The following ROBO2 variants were observed in gnomAD, a reference collection of about 807,000 sequenced individuals.
ROBO2 encodes roundabout homolog 2.
Under a neutral mutation model 160.8 loss-of-function variants are expected in ROBO2, and 53 were observed. That is an observed-to-expected ratio of 0.33 (90% CI 0.26 to 0.41). The LOEUF (loss-of-function observed/expected upper bound fraction) is 0.41. Ranked by LOEUF, ROBO2 falls within the 10% of genes least tolerant of loss-of-function variation. ROBO2 has a pLI of 1.00. For synonymous variants in ROBO2, 664 were observed against 611.7 expected, an observed-to-expected ratio of 1.09 and a Z score of -1.26; for missense variants, 1,577 against 1,722.4, an observed-to-expected ratio of 0.92 and a Z score of 1.49.
intron 2 of ROBO2, among the ~76,000 whole-genome samples, chr3:77,203,427 T>C (rs2083107501): frequency 6.6e-6 from 1 of 152,210 alleles, no homozygotes; most frequent in Non-Finnish European, 1.5e-5. Context: ...CTGCTTACTG[T>C]GTAAAAATAA....
chr3:76,352,673 T>C lies in ROBO2; in HGVS notation c.109+415071T>C, dbSNP rs569205894. On this transcript the variant is annotated intron_variant, in intron 2 of 26. Coordinates refer to the ROBO2 transcript ENST00000487694. ...TACTCTTGTGTTCATGAATGATTGA[T>C]GAAGCGGCCTTTATGTGCAGTCTCC... 1.1e-4 allele frequency among the ~76,000 whole-genome samples: 16 copies of C among 152,060 alleles called. No individual in the cohort carries two copies. In the Middle Eastern group the frequency reaches 0.014, roughly 129 times the overall value.
intron 2 of ROBO2, among the ~76,000 whole-genome samples, chr3:77,447,660 T>C (rs1387773186): frequency 6.6e-6 from 1 of 152,144 alleles, no homozygotes; most frequent in African/African-American, 2.4e-5. Flanking sequence ...GCATCAGCGA[T>C]AGTATCCTTT....
chr3:76,622,191 AAAGGAAGG>A (rs1163132103), intron 2 of ROBO2, among the ~76,000 whole-genome samples: 1,577 of 65,676 alleles, frequency 0.024, 66 homozygotes, highest in South Asian at 0.034. Context: ...TAAAAAAAAG[AAAGGAAGG>A]AAGGAAGGAA....
intron 2 of ROBO2, among the ~76,000 whole-genome samples, chr3:77,282,472 T>C (rs931955208): frequency 6.6e-6 from 1 of 151,966 alleles, no homozygotes; most frequent in African/African-American, 2.4e-5. Context: ...GTCTTCAATA[T>C]CTAACATGCT....
At chr3:76,073,805 T>C (rs996212443) in intron 2 of ROBO2, among the ~76,000 whole-genome samples, 2 of 152,096 alleles carry the variant, frequency 1.3e-5, no homozygotes, top group South Asian at 2.1e-4. Context: ...AAATAAGTTA[T>C]ACAGGTTCAA....
At chr3:77,402,430 T>C (rs115940333) in intron 2 of ROBO2, among the ~76,000 whole-genome samples, 5,337 of 151,952 alleles carry the variant, frequency 0.035, 163 homozygotes, top group Non-Finnish European at 0.054. Context: ...ACTTAAAGTA[T>C]AATAAAAAAA....
intron 2 of ROBO2, among the ~76,000 whole-genome samples, chr3:76,490,170 G>T (rs182834302): frequency 1.2e-3 from 189 of 152,196 alleles, no homozygotes; most frequent in Non-Finnish European, 1.9e-3. Flanking sequence ...TATGACGAAA[G>T]AAATTTTTTA....
intron 2 of ROBO2, among the ~76,000 whole-genome samples, chr3:76,116,255 G>C (rs1362398658): frequency 1.3e-5 from 2 of 152,086 alleles, no homozygotes; most frequent in Non-Finnish European, 2.9e-5. Flanking sequence ...TACCACAAAA[G>C]TGTCAGGTGC....
intron 2 of ROBO2, among the ~76,000 whole-genome samples, chr3:76,703,922 G>T (rs535699528): frequency 2.8e-4 from 43 of 151,956 alleles, no homozygotes; most frequent in Middle Eastern, 3.4e-3. Context: ...GACTAGAAAT[G>T]TTGAGAATTA....
chr3:76,835,147 G>A (rs2067570715), intron 2 of ROBO2, among the ~76,000 whole-genome samples: 1 of 151,734 alleles, frequency 6.6e-6, no homozygotes, highest in Non-Finnish European at 1.5e-5. Context: ...CTAGTAAACT[G>A]TTCATATAAT....
At chr3:76,187,973 A>G (rs981370739) in intron 2 of ROBO2, among the ~76,000 whole-genome samples, 2 of 152,126 alleles carry the variant, frequency 1.3e-5, no homozygotes, top group Non-Finnish European at 2.9e-5. Flanking sequence ...ATAATTTCTA[A>G]ACTCACTTAG....
intron 2 of ROBO2, among the ~76,000 whole-genome samples, chr3:77,132,289 T>C (rs2075918203): frequency 1.3e-5 from 2 of 152,122 alleles, no homozygotes; most frequent in African/African-American, 4.8e-5. Flanking sequence ...ACAGAGTACT[T>C]GGATGTGTTT....
At chr3:75,979,612 A>G (rs1387882146) in intron 2 of ROBO2, among the ~76,000 whole-genome samples, 4 of 151,564 alleles carry the variant, frequency 2.6e-5, no homozygotes, top group African/African-American at 4.8e-5. Flanking sequence ...TAACATGCAT[A>G]AAAATGCCTT....
At chr3:77,245,922 G>A (rs2089670728) in intron 2 of ROBO2, among the ~76,000 whole-genome samples, 1 of 152,104 alleles carries the variant, frequency 6.6e-6, no homozygotes, top group African/African-American at 2.4e-5. Flanking sequence ...AATAAACCAT[G>A]TACCATGTAA....
At chr3:76,565,104 T>A (rs928193731) in intron 2 of ROBO2, among the ~76,000 whole-genome samples, 1 of 152,106 alleles carries the variant, frequency 6.6e-6, no homozygotes, top group South Asian at 2.1e-4. Flanking sequence ...GCTAAAGTGA[T>A]CTTGGAATGG....
At chr3:76,347,609 T>G (rs2074606129) in intron 2 of ROBO2, among the ~76,000 whole-genome samples, 1 of 152,030 alleles carries the variant, frequency 6.6e-6, no homozygotes, top group Non-Finnish European at 1.5e-5. Flanking sequence ...TTAACTTATT[T>G]ATAATCTTAT....
intron 2 of ROBO2, among the ~76,000 whole-genome samples, chr3:77,162,919 T>C (rs887650098): frequency 6.6e-6 from 1 of 152,124 alleles, no homozygotes; most frequent in Admixed American, 6.5e-5. Context: ...AACCTTGGCC[T>C]CCTGGGTTCA....
At chr3:76,152,302 A>G (rs577022004) in intron 2 of ROBO2, among the ~76,000 whole-genome samples, 3 of 152,144 alleles carry the variant, frequency 2.0e-5, no homozygotes, top group Non-Finnish European at 4.4e-5. Flanking sequence ...GGAAAATGCT[A>G]TTATAGATTT....
intron 2 of ROBO2, among the ~76,000 whole-genome samples, chr3:76,482,841 T>C (rs1290898345): frequency 1.3e-5 from 2 of 152,154 alleles, no homozygotes; most frequent in African/African-American, 4.8e-5. Flanking sequence ...ATAAAAGAAT[T>C]GTTAATATCT....
Sources: gnomAD v4.1 joint callset for allele counts (sites outside exome capture counted in the v4.1 genomes callset) on GRCh38, gnomAD v4.1.1 for gene constraint, MANE v1.5 for transcripts, NCBI Gene and HGNC (gene_info 2026-07-23, HGNC 2026-07-21) for gene names.